The following INPP5A variants were observed in gnomAD, a reference collection of about 807,000 sequenced individuals.
The protein encoded by INPP5A is inositol polyphosphate-5-phosphatase A, also known as 43 kDa inositol polyphosphate 5-phophatase.
A neutral mutation model predicts 65.2 loss-of-function variants in INPP5A; 14 were observed. The observed-to-expected ratio is 0.21, with a 90% CI of 0.14 to 0.34. The LOEUF (loss-of-function observed/expected upper bound fraction) is 0.34. Ranked by LOEUF, INPP5A falls within the 10% of genes least tolerant of loss-of-function variation. The pLI, the probability that INPP5A is intolerant of heterozygous loss-of-function variation, is 1.00. For missense variants in INPP5A, 431 were observed against 545.6 expected, an observed-to-expected ratio of 0.79 and a Z score of 2.09; for synonymous variants, 207 against 208.3, an observed-to-expected ratio of 0.99 and a Z score of 0.05.
chr10:132,777,657 T>G lies in INPP5A; in HGVS notation c.978-14T>G. The G allele has an allele frequency of 1.2e-6, 2 of 1,610,572 alleles. No individual in the cohort carries two copies. Among genetic ancestry groups the G allele is most frequent in the Non-Finnish European group, 1.7e-6 (2 of 1,178,214 alleles). On this transcript the variant is annotated splice_polypyrimidine_tract_variant and intron_variant, in intron 12 of 15. Coordinates refer to ENST00000368594, the MANE Select transcript of INPP5A (RefSeq NM_005539.5). ...GAGCCGGCCGGCTGACCCTCTGCCT[T>G]CATGTCTCCCCAGCTACCCGTACAG...
chr10:132,653,864 A>T (rs2072613926), intron 4 of INPP5A, among the ~76,000 whole-genome samples: 1 of 151,252 alleles, frequency 6.6e-6, no homozygotes, highest in South Asian at 2.1e-4. Flanking sequence ...GGTGCCTCTC[A>T]GGGGAGGAAG....
At chr10:132,634,753 T>C (rs1415232071) in intron 2 of INPP5A, among the ~76,000 whole-genome samples, 1 of 152,278 alleles carries the variant, frequency 6.6e-6, no homozygotes, top group African/African-American at 2.4e-5. Context: ...CTTCGTCTCC[T>C]GGAGCCTTGG....
intron 11 of INPP5A, among the ~76,000 whole-genome samples, chr10:132,751,044 G>A (rs1245491207): frequency 3.3e-5 from 5 of 152,174 alleles, no homozygotes; most frequent in East Asian, 1.9e-4. Context: ...AGAGGGGCAC[G>A]CCCAGCCCAG....
rs2072205787 is a variant in INPP5A, at chr10:132,627,717, G to C, written c.118-18151G>C. Among the ~76,000 whole-genome samples, 1 of 152,186 alleles carries C rather than the reference G, an allele frequency of 6.6e-6. No individual in the cohort carries two copies. Among genetic ancestry groups the C allele is most frequent in the African/African-American group, 2.4e-5 (1 of 41,440 alleles). On this transcript the variant is annotated intron_variant, in intron 2 of 15. Coordinates refer to ENST00000368594, the MANE Select transcript of INPP5A (RefSeq NM_005539.5). This position sits in a 1 kb window ranked among gnomAD's most constrained non-coding sequence, Gnocchi z 6.6. The stretch of plus-strand genomic sequence containing the variant: ...TGGGATTATAGTGAGAGGCGAGACA[G>C]GGGATGCAGACGGGTAGATGCCACA...
intron 9 of INPP5A, among the ~76,000 whole-genome samples, chr10:132,731,852 A>G (rs947148756): frequency 5.3e-5 from 8 of 152,218 alleles, no homozygotes; most frequent in African/African-American, 1.9e-4. Context: ...GTTCGTGGGA[A>G]ATCCAGGTTC....
At chr10:132,722,054 TTTATGA>T (rs1450540703) in intron 8 of INPP5A, among the ~76,000 whole-genome samples, 1 of 152,148 alleles carries the variant, frequency 6.6e-6, no homozygotes, top group African/African-American at 2.4e-5. Flanking sequence ...CAGTGAGGTG[TTTATGA>T]TTATTAAGAG....
rs2072041072 is a variant in INPP5A at position 132,616,833 on chromosome 10, G to C, written c.117+8877G>C. On this transcript the variant is annotated intron_variant, in intron 2 of 15. Coordinates refer to ENST00000368594, the MANE Select transcript of INPP5A (RefSeq NM_005539.5). This position sits in a 1 kb window ranked among gnomAD's most constrained non-coding sequence, Gnocchi z 4.9. ...GTGGCGAGTGGCACCATGCAGCAGG[G>C]AGGAAGGCCAGCTTCACGCTGCAGG... Among the ~76,000 whole-genome samples the C allele has an allele frequency of 6.6e-6, 1 of 152,058 alleles. No individual in the cohort carries two copies. The highest frequency in any genetic ancestry group is 1.5e-5 in the Non-Finnish European group (1 of 68,002).
At chr10:132,734,829 G>A (rs1389055084) in intron 9 of INPP5A, among the ~76,000 whole-genome samples, 1 of 152,232 alleles carries the variant, frequency 6.6e-6, no homozygotes, top group Admixed American at 6.5e-5. Flanking sequence ...AGGAGAGGGA[G>A]TGTCGGAGTC....
intron 4 of INPP5A, among the ~76,000 whole-genome samples, chr10:132,653,360 G>A (rs1236690191): frequency 6.6e-6 from 1 of 152,224 alleles, no homozygotes; most frequent in Non-Finnish European, 1.5e-5. Flanking sequence ...TTTTCCAGGT[G>A]GGTCCGGAGC....
intron 9 of INPP5A, 60 bp from the exon 10 acceptor site, chr10:132,749,457 G>A: frequency 2.7e-6 from 4 of 1,467,804 alleles, no homozygotes; most frequent in African/African-American, 1.4e-5. Flanking sequence ...GGTGTCGGGT[G>A]ACGCTGCCAT....
chr10:132,584,776 C>G (rs1335912382), intron 1 of INPP5A, among the ~76,000 whole-genome samples: 1 of 152,170 alleles, frequency 6.6e-6, no homozygotes, highest in African/African-American at 2.4e-5. Context: ...CCCTCTGTCA[C>G]CCAGGCTAGA....
chr10:132,770,046 AT>A (rs1286979790), intron 12 of INPP5A, among the ~76,000 whole-genome samples: 3 of 152,136 alleles, frequency 2.0e-5, no homozygotes, highest in African/African-American at 7.2e-5. Context: ...AGGCGTTAGC[AT>A]TTCTCACGAA....
intron 9 of INPP5A, among the ~76,000 whole-genome samples, chr10:132,745,145 A>G (rs995676182): frequency 6.6e-6 from 1 of 152,116 alleles, no homozygotes; most frequent in Admixed American, 6.5e-5. Flanking sequence ...GGAGGGCGCT[A>G]TGGCCTGTCA....
chr10:132,584,392 A>G (rs1434292485), intron 1 of INPP5A, among the ~76,000 whole-genome samples: 2 of 152,238 alleles, frequency 1.3e-5, no homozygotes, highest in Non-Finnish European at 2.9e-5. Context: ...GGTTTTTGAT[A>G]TGACTCAAAT....
At chr10:132,777,900 C>A (rs779682795) in intron 13 of INPP5A, 118 bp downstream of exon 13, 1 of 1,524,092 alleles carries the variant, frequency 6.6e-7, no homozygotes, top group Admixed American at 2.0e-5. Context: ...GGAATGCTGC[C>A]AGGTTGGGCC....
chr10:132,589,315 G>T (rs1050026043), intron 1 of INPP5A, among the ~76,000 whole-genome samples: 1 of 152,246 alleles, frequency 6.6e-6, no homozygotes, highest in Non-Finnish European at 1.5e-5. Context: ...AGCTGTGGGA[G>T]TGCCTTCCCA....
chr10:132,565,763 G>A (rs1342999161), intron 1 of INPP5A, among the ~76,000 whole-genome samples: 1 of 151,424 alleles, frequency 6.6e-6, no homozygotes, highest in Non-Finnish European at 1.5e-5. Flanking sequence ...GTGGGTCTCC[G>A]TGCATGTGTG....
chr10:132,666,837 G>A (rs1181288148), intron 4 of INPP5A, among the ~76,000 whole-genome samples: 5 of 152,228 alleles, frequency 3.3e-5, no homozygotes, highest in African/African-American at 9.6e-5. Context: ...CACCTCATCC[G>A]TAAGTGGACT....
chr10:132,635,844 A>G (rs2072342794), intron 2 of INPP5A, among the ~76,000 whole-genome samples: 1 of 151,944 alleles, frequency 6.6e-6, no homozygotes, highest in Non-Finnish European at 1.5e-5. Flanking sequence ...TTGGTGGTGC[A>G]CACCTGTTGT....
Sources: allele counts gnomAD v4.1 joint callset (sites outside exome capture counted in the v4.1 genomes callset), GRCh38; gene constraint gnomAD v4.1.1; non-coding constraint Gnocchi (gnomAD v3.1); transcripts MANE v1.5; gene names NCBI Gene and HGNC (gene_info 2026-07-23, HGNC 2026-07-21).